PTBP2: variants seen among roughly 807,000 people sequenced by gnomAD.
PTBP2 encodes polypyrimidine tract binding protein 2.
Under a neutral mutation model 61.4 loss-of-function variants are expected in PTBP2, and 13 were observed. The ratio of observed to expected loss-of-function variants is 0.21; its 90% confidence interval spans 0.14 to 0.34. The LOEUF is 0.34. PTBP2 is among the 10% of genes least tolerant of loss of function. The pLI is 1.00. For missense variants in PTBP2, 405 were observed against 642.6 expected (o/e 0.63, Z 4.00); for synonymous variants, 215 against 218.5 (o/e 0.98, Z 0.14).
chr1:96,731,143 C>T lies in PTBP2; in HGVS notation c.39+7549C>T, dbSNP rs150254232. On this transcript the variant is annotated intron_variant, in intron 2 of 13. Coordinates refer to ENST00000674951, the MANE Select transcript of PTBP2 (RefSeq NM_021190.4). ...CATACCACAATTTAGTTTCCTACAT[C>T]GATGGACATTTAGGTTTGATTCCAG... Among the ~76,000 whole-genome samples, 18 of 152,188 alleles carry T rather than the reference C, an allele frequency of 1.2e-4. No individual in the cohort carries two copies. The East Asian group carries it at 2.5e-3, about 21-fold the overall frequency.
intron 8 of PTBP2, among the ~76,000 whole-genome samples, chr1:96,790,332 C>T (rs1194101108): frequency 1.3e-5 from 2 of 150,554 alleles, no homozygotes; most frequent in Non-Finnish European, 3.0e-5. Flanking sequence ...CATCTAATAT[C>T]TGGTTGCCCC....
At chr1:96,763,638 C>G (rs896687293) in intron 3 of PTBP2, among the ~76,000 whole-genome samples, 2 of 147,306 alleles carry the variant, frequency 1.4e-5, no homozygotes, top group African/African-American at 5.1e-5. Context: ...GAGGGCTGTT[C>G]TGTTTTTTTA....
chr1:96,809,965 A>G (rs1015645052), intron 11 of PTBP2, among the ~76,000 whole-genome samples: 15 of 152,072 alleles, frequency 9.9e-5, no homozygotes, highest in African/African-American at 3.6e-4. Flanking sequence ...TGAAAAGACT[A>G]AAAAAATAGA....
chr1:96,811,537 C>G (rs894895364), intron 11 of PTBP2, among the ~76,000 whole-genome samples: 15 of 152,132 alleles, frequency 9.9e-5, no homozygotes, highest in African/African-American at 3.6e-4. Flanking sequence ...CTGCCTCAGC[C>G]TCCTGAGTAA....
In PTBP2 at chr1:96,744,020, G is replaced by A. The variant is rs370227804; in HGVS notation, c.40-7405G>A. On this transcript the variant is annotated intron_variant, in intron 2 of 13. Transcript: ENST00000674951. Reference sequence around the variant, plus strand: ...TAAAAATAAAATGTGGTGAAACCCCGTCTCTACTAAAAATACAAAAATTAG... The same window carrying A: ...TAAAAATAAAATGTGGTGAAACCCCATCTCTACTAAAAATACAAAAATTAG... 2.3e-3 allele frequency among the ~76,000 whole-genome samples: 346 copies of A among 152,098 alleles called. 2 individuals carry two copies. Among genetic ancestry groups the A allele is most frequent in the African/African-American group, 8.1e-3 (338 of 41,488 alleles).
At chr1:96,726,058 GAGAC>G (rs1650421496) in intron 2 of PTBP2, among the ~76,000 whole-genome samples, 1 of 98,522 alleles carries the variant, frequency 1.0e-5, no homozygotes, top group Non-Finnish European at 1.8e-5. Context: ...CTGGGCGACA[GAGAC>G]AGACTCTATC....
At chr1:96,820,876 T>C (rs1299302107) in exon 14 of PTBP2, 2 of 152,222 alleles carry the variant, frequency 1.3e-5, no homozygotes, top group African/African-American at 2.4e-5. Context: ...TTGCATAGTG[T>C]GGCAATTCTT....
At chr1:96,729,167 G>T (rs961644112) in intron 2 of PTBP2, among the ~76,000 whole-genome samples, 2 of 152,018 alleles carry the variant, frequency 1.3e-5, no homozygotes, top group African/African-American at 4.8e-5. Flanking sequence ...GACTGCAGGT[G>T]CACACCACCA....
At chr1:96,767,714 T>C (rs1325365770) in intron 3 of PTBP2, among the ~76,000 whole-genome samples, 2 of 152,136 alleles carry the variant, frequency 1.3e-5, no homozygotes, top group Non-Finnish European at 2.9e-5. Flanking sequence ...CATTTTCAAT[T>C]AACGGGCCTA....
At chr1:96,739,692 T>C (rs1652732044) in intron 2 of PTBP2, among the ~76,000 whole-genome samples, 1 of 142,088 alleles carries the variant, frequency 7.0e-6, no homozygotes, top group Non-Finnish European at 1.5e-5. Flanking sequence ...AGTGGCGCGA[T>C]CTCTGCTCAC....
At chr1:96,753,808 G>GT (rs1243249177) in intron 3 of PTBP2, among the ~76,000 whole-genome samples, 2 of 152,128 alleles carry the variant, frequency 1.3e-5, no homozygotes, top group African/African-American at 4.8e-5. Context: ...TGATTCACTG[G>GT]TTGGAACTAG....
At chr1:96,796,789 T>G (rs1660440585) in intron 8 of PTBP2, among the ~76,000 whole-genome samples, 1 of 151,830 alleles carries the variant, frequency 6.6e-6, no homozygotes, top group African/African-American at 2.4e-5. Context: ...TAAAGTCAAG[T>G]CAAGGGAGAA....
At chr1:96,762,736 C>A (rs1342180334) in intron 3 of PTBP2, among the ~76,000 whole-genome samples, 2 of 151,910 alleles carry the variant, frequency 1.3e-5, no homozygotes, top group Non-Finnish European at 2.9e-5. Flanking sequence ...CCACCTCCCT[C>A]CCAGACGGGG....
At chr1:96,738,875 A>G (rs1389635962) in intron 2 of PTBP2, among the ~76,000 whole-genome samples, 2 of 151,336 alleles carry the variant, frequency 1.3e-5, no homozygotes, top group Non-Finnish European at 2.9e-5. Flanking sequence ...AGTAACTCAT[A>G]AGGAAAAAAT....
At chr1:96,797,780 T>C (rs1242067036) in intron 8 of PTBP2, among the ~76,000 whole-genome samples, 1 of 152,220 alleles carries the variant, frequency 6.6e-6, no homozygotes, top group Non-Finnish European at 1.5e-5. Context: ...ATGGTTGTTA[T>C]AGTGTATTGT....
chr1:96,797,150 G>A (rs1220878345), intron 8 of PTBP2, among the ~76,000 whole-genome samples: 1 of 150,408 alleles, frequency 6.6e-6, no homozygotes, highest in Non-Finnish European at 1.5e-5. Context: ...TGATTGGGTG[G>A]CATTGACATC....
chr1:96,723,619 T>C, intron 2 of PTBP2, 25 bp downstream of exon 2: 1 of 1,550,760 alleles, frequency 6.4e-7, no homozygotes. Flanking sequence ...TGTTTGAAAC[T>C]GGGATTGTTG....
chr1:96,779,486 T>C (rs547032040), intron 7 of PTBP2, among the ~76,000 whole-genome samples: 2 of 152,248 alleles, frequency 1.3e-5, no homozygotes, highest in East Asian at 3.9e-4. Flanking sequence ...TTGTCTGAAG[T>C]AATACATAGT....
At chr1:96,807,926 C>G (rs527512834) in intron 11 of PTBP2, among the ~76,000 whole-genome samples, 220 of 152,246 alleles carry the variant, frequency 1.4e-3, no homozygotes, top group African/African-American at 5.2e-3. Context: ...ACATATTTTC[C>G]TCTTTCTCTG....
Sources: allele counts gnomAD v4.1 joint callset (sites outside exome capture counted in the v4.1 genomes callset), GRCh38; gene constraint gnomAD v4.1.1; transcripts MANE v1.5; gene names NCBI Gene and HGNC (gene_info 2026-07-23, HGNC 2026-07-21).